WSB2: variants seen among roughly 807,000 people sequenced by gnomAD.
WSB2 encodes WD repeat and SOCS box containing 2.
In WSB2, 12 loss-of-function variants were observed where a neutral mutation model predicts 48.8. The observed-to-expected ratio is 0.25, with a 90% confidence interval of 0.16 to 0.40. WSB2 has a LOEUF of 0.40. WSB2 is among the 10% of genes least tolerant of loss of function. WSB2 has a pLI of 1.00. For synonymous variants in WSB2, 191 were observed against 203.1 expected (o/e 0.94, Z 0.51); for missense variants, 317 against 506.2 (o/e 0.63, Z 3.59).
chr12:118,036,609 C>T (rs1281275781), intron 5 of WSB2, 99 bp from the exon 6 acceptor site: 4 of 1,286,058 alleles, frequency 3.1e-6, no homozygotes, highest in Non-Finnish European at 4.3e-6. Flanking sequence ...GCAGGCCCTG[C>T]AGCCAGGGCT....
chr12:118,042,691 T>G, intron 4 of WSB2, 150 bp downstream of exon 4: 1 of 1,285,520 alleles, frequency 7.8e-7, no homozygotes. Flanking sequence ...CAGGGGCGAT[T>G]AGGAAAAAAC....
intron 2 of WSB2, among the ~76,000 whole-genome samples, chr12:118,049,561 C>T (rs928429234): frequency 5.3e-5 from 8 of 152,148 alleles, no homozygotes; most frequent in African/African-American, 1.9e-4. Context: ...ACCACCACAC[C>T]TGGCTAACTT....
chr12:118,044,837 G>A (rs1197013861), intron 2 of WSB2, among the ~76,000 whole-genome samples: 1 of 152,190 alleles, frequency 6.6e-6, no homozygotes. Flanking sequence ...CCACACTCTG[G>A]TTGGTTAAAC....
At chr12:118,046,466 CAAAAA>C (rs57540760) in intron 2 of WSB2, among the ~76,000 whole-genome samples, 1 of 113,202 alleles carries the variant, frequency 8.8e-6, no homozygotes. Context: ...GACTCCATCT[CAAAAA>C]AAAAAAAAAA....
chr12:118,033,979 G>C lies in WSB2; in HGVS notation c.*217C>G, dbSNP rs77542352. 3.4e-6 allele frequency: 2 copies of C among 593,734 alleles called. No homozygotes were observed. Among genetic ancestry groups the C allele is most frequent in the African/African-American group, 3.7e-5 (2 of 53,654 alleles). The allele number at this position is 593,734 out of a possible 1,614,324, so 36.8% of individuals were successfully genotyped here. A position where few individuals can be genotyped will look rare whatever the true frequency, so the allele number is the denominator to read the frequency against. ...AAATTTAACGTAAGGCTCTGTTGCCGTGCAAGTGGAATCTCTTCCTCTAAG... is the reference window on the plus strand; with the variant it reads ...AAATTTAACGTAAGGCTCTGTTGCCCTGCAAGTGGAATCTCTTCCTCTAAG... On this transcript the variant is annotated 3_prime_UTR_variant, in exon 9 of 9. Transcript: ENST00000315436.
intron 2 of WSB2, among the ~76,000 whole-genome samples, chr12:118,046,485 A>G (rs1347161165): frequency 1.3e-5 from 2 of 150,694 alleles, no homozygotes; most frequent in Non-Finnish European, 3.0e-5. Flanking sequence ...AAAAAAAAAG[A>G]AAGAAAAAAT....
chr12:118,043,442 G>C, intron 2 of WSB2, 65 bp from the exon 3 acceptor site: 3 of 1,507,818 alleles, frequency 2.0e-6, no homozygotes, highest in Non-Finnish European at 2.6e-6. Context: ...TTTTCATCCT[G>C]GGACACGTAA....
rs189091218 is a variant in WSB2 at position 118,050,216 on chromosome 12, G to C, written c.182+2094C>G. ...AAAAAAAAGAAACTACGCAACCAAGGCTGGCTGAATGAATAAATACAGACA... is the reference window on the plus strand; with the variant it reads ...AAAAAAAAGAAACTACGCAACCAAGCCTGGCTGAATGAATAAATACAGACA... On this transcript the variant is annotated intron_variant, in intron 2 of 8. Transcript: ENST00000315436. Among the ~76,000 whole-genome samples, 12 of 152,188 alleles carry C rather than the reference G, an allele frequency of 7.9e-5. No individual in the cohort carries two copies. The East Asian group carries it at 1.7e-3, about 22-fold the overall frequency.
At chr12:118,046,199 G>A (rs1433448478) in intron 2 of WSB2, among the ~76,000 whole-genome samples, 7 of 152,096 alleles carry the variant, frequency 4.6e-5, no homozygotes, top group African/African-American at 9.7e-5. Context: ...CATGGCTCAC[G>A]CCTGTAATCC....
chr12:118,052,500 T>C, intron 1 of WSB2, 22 bp from the exon 2 acceptor site: 1 of 1,613,112 alleles, frequency 6.2e-7, no homozygotes, highest in Non-Finnish European at 8.5e-7. Flanking sequence ...GACAACATGC[T>C]TCAAACACAC....
At chr12:118,058,908 C>T (rs2032012599) in intron 1 of WSB2, among the ~76,000 whole-genome samples, 1 of 152,084 alleles carries the variant, frequency 6.6e-6, no homozygotes, top group African/African-American at 2.4e-5. Context: ...GTTGGTGAGG[C>T]TGGTCTCGAA....
At chr12:118,057,779 T>G (rs1388799842) in intron 1 of WSB2, among the ~76,000 whole-genome samples, 1 of 150,774 alleles carries the variant, frequency 6.6e-6, no homozygotes, top group African/African-American at 2.4e-5. Flanking sequence ...TATTTGGGTT[T>G]TTTTTTTTTT....
intron 2 of WSB2, 135 bp from the exon 3 acceptor site, chr12:118,043,512 A>C: frequency 7.4e-7 from 1 of 1,352,486 alleles, no homozygotes; most frequent in Non-Finnish European, 9.9e-7. Context: ...TGACACAATC[A>C]TGGCTCACTG....
rs2031396907 is a variant in WSB2, at chr12:118,032,892, A to G, written c.*1304T>C. 6.6e-6 allele frequency: 1 copy of G among 152,020 alleles called. No homozygotes were observed. Among genetic ancestry groups the G allele is most frequent in the Admixed American group, 6.6e-5 (1 of 15,236 alleles). The allele number at this position is 152,020 out of a possible 1,614,324, so 9.4% of individuals were successfully genotyped here. On this transcript the variant is annotated 3_prime_UTR_variant, in exon 9 of 9. Coordinates refer to ENST00000315436, the MANE Select transcript of WSB2 (RefSeq NM_018639.5). ...TTTTTTTCTTAATGGAAAAAAATGA[A>G]ACAGAGAGCCAAAAGCTTTTAACTG...
rs1421303942 is a variant in WSB2 at position 118,060,411 on chromosome 12, C to T, written c.13+625G>A. Among the ~76,000 whole-genome samples, 2 of 152,128 alleles carry T rather than the reference C, an allele frequency of 1.3e-5. No homozygotes were observed. Among genetic ancestry groups the T allele is most frequent in the Admixed American group, 6.5e-5 (1 of 15,274 alleles). ...CACCAGGGATCAGCGTCTCCAGTCC[C>T]GCCCCACCTCCACTGACTTAATCTC... is the stretch of plus-strand genomic sequence containing the variant. On this transcript the variant is annotated intron_variant, in intron 1 of 8. Coordinates refer to ENST00000315436, the MANE Select transcript of WSB2 (RefSeq NM_018639.5). This position sits in a 1 kb window ranked among gnomAD's most constrained non-coding sequence, Gnocchi z 4.1.
In WSB2 at chr12:118,035,021, G is replaced by A. The variant is rs532329272; in HGVS notation, c.1017C>T (p.Cys339=). The A allele has an allele frequency of 1.2e-6, 2 of 1,614,158 alleles. No homozygotes were observed. Among genetic ancestry groups the A allele is most frequent in the African/African-American group, 1.3e-5 (1 of 75,032 alleles). Residue 339 remains cysteine, a synonymous_variant, in exon 8 of 9, where the codon TGC becomes TGT. Coordinates refer to ENST00000315436, the MANE Select transcript of WSB2 (RefSeq NM_018639.5). ...TGACTCCACCATGTGGAAAAAATGT[G>A]CAGCAAAGCCCATTGGTCATAGGAG... ...AFAPMTNGLC[C]TFFPHGGVIA...
At chr12:118,046,625 T>TCTGGCC (rs1293095265) in intron 2 of WSB2, among the ~76,000 whole-genome samples, 6 of 152,326 alleles carry the variant, frequency 3.9e-5, no homozygotes, top group South Asian at 2.1e-4. Context: ...CCTGCCTGGC[T>TCTGGCC]CTGGCCCTGG....
intron 2 of WSB2, among the ~76,000 whole-genome samples, chr12:118,049,503 G>A (rs528168507): frequency 1.3e-5 from 2 of 151,972 alleles, no homozygotes; most frequent in South Asian, 2.1e-4. Context: ...CCAGGTTCAC[G>A]CGATTCTCCT....
intron 6 of WSB2, 130 bp from the exon 7 acceptor site, chr12:118,035,454 G>A: frequency 1.4e-6 from 1 of 730,580 alleles, no homozygotes; most frequent in Non-Finnish European, 2.3e-6. Context: ...TGCCCCTCGT[G>A]GAAAAGCTTG....
Sources: gnomAD v4.1 joint callset for allele counts (sites outside exome capture counted in the v4.1 genomes callset) on GRCh38, gnomAD v4.1.1 for gene constraint, Gnocchi (gnomAD v3.1) non-coding constraint, MANE v1.5 for transcripts, NCBI Gene and HGNC (gene_info 2026-07-23, HGNC 2026-07-21) for gene names.